ST3GAL3: variants seen among roughly 807,000 people sequenced by gnomAD.
The protein encoded by ST3GAL3 is CMP-N-acetylneuraminate-beta-1,4-galactoside alpha-2,3-sialyltransferase.
Under a neutral mutation model 50.1 loss-of-function variants are expected in ST3GAL3, and 21 were observed. That is an observed-to-expected ratio of 0.42 (90% CI 0.30 to 0.60). The LOEUF (loss-of-function observed/expected upper bound fraction) is 0.60, where lower values mean the gene tolerates loss of function less well. ST3GAL3 is among the 20% of genes least tolerant of loss of function. The pLI, the probability that ST3GAL3 is intolerant of heterozygous loss-of-function variation, is 0.19. For missense variants in ST3GAL3, 353 were observed against 489.4 expected (o/e 0.72, Z 2.63); for synonymous variants, 183 against 190.0 (o/e 0.96, Z 0.30).
intron 5 of ST3GAL3, among the ~76,000 whole-genome samples, chr1:43,892,885 G>C (rs1333663441): frequency 6.6e-6 from 1 of 152,156 alleles, no homozygotes; most frequent in Non-Finnish European, 1.5e-5. Flanking sequence ...CCATGACCAG[G>C]ATCCTCAGAG....
intron 3 of ST3GAL3, among the ~76,000 whole-genome samples, chr1:43,797,558 T>C (rs889960542): frequency 3.9e-5 from 6 of 152,198 alleles, no homozygotes; most frequent in Non-Finnish European, 8.8e-5. Context: ...GTCTTATTAA[T>C]TGATGAAGAA....
intron 6 of ST3GAL3, among the ~76,000 whole-genome samples, chr1:43,896,411 C>G (rs1281221936): frequency 6.6e-6 from 1 of 152,162 alleles, no homozygotes; most frequent in South Asian, 2.1e-4. Context: ...CATTGATGTA[C>G]CTTCTACCCA....
intron 9 of ST3GAL3, chr1:43,912,819 T>C (rs2081165166): frequency 6.6e-6 from 1 of 152,256 alleles, no homozygotes; most frequent in Non-Finnish European, 1.5e-5. Flanking sequence ...GTCTGGCAGC[T>C]TCACACAGGG....
chr1:43,909,138 TAAGTA>T (rs1477534029), intron 9 of ST3GAL3, among the ~76,000 whole-genome samples: 1 of 152,174 alleles, frequency 6.6e-6, no homozygotes, highest in Non-Finnish European at 1.5e-5. Flanking sequence ...TTGGTATACA[TAAGTA>T]AATAAGCAGA....
At chr1:43,720,296 T>C (rs1038873358) in intron 1 of ST3GAL3, among the ~76,000 whole-genome samples, 1 of 152,160 alleles carries the variant, frequency 6.6e-6, no homozygotes, top group East Asian at 1.9e-4. Flanking sequence ...TTCACTGCTG[T>C]TGGGAATGTA....
intron 1 of ST3GAL3, among the ~76,000 whole-genome samples, chr1:43,718,500 T>C (rs1668609659): frequency 6.6e-6 from 1 of 150,956 alleles, no homozygotes; most frequent in African/African-American, 2.4e-5. Context: ...TCATTAAATC[T>C]TAATATGCCA....
In ST3GAL3 at chr1:43,929,971, G is replaced by T. The variant is rs532914556; in HGVS notation, c.1039-161G>T. ...TGAGCTGTGGCACTCCTAGAGCAGGGTCATCATTACCGTGTAGACACAACT... is the reference window on the plus strand; with the variant it reads ...TGAGCTGTGGCACTCCTAGAGCAGGTTCATCATTACCGTGTAGACACAACT... On this transcript the variant is annotated intron_variant, in intron 11 of 11. Coordinates refer to ENST00000347631, the MANE Select transcript of ST3GAL3 (RefSeq NM_006279.5). 22 of 766,712 alleles carry T rather than the reference G, an allele frequency of 2.9e-5. No homozygotes were observed. In the African/African-American group the frequency reaches 3.2e-4, roughly 11 times the overall value. 47.5% of individuals were successfully genotyped at this position (766,712 alleles called of 1,614,324 possible).
At chr1:43,861,857 C>A (rs549057649) in intron 5 of ST3GAL3, among the ~76,000 whole-genome samples, 1 of 152,114 alleles carries the variant, frequency 6.6e-6, no homozygotes, top group African/African-American at 2.4e-5. Context: ...GGAGAAACCC[C>A]GTCTCTACTA....
intron 2 of ST3GAL3, among the ~76,000 whole-genome samples, chr1:43,748,442 T>C (rs10890278): frequency 0.28 from 39,386 of 140,620 alleles, 3,655 homozygotes; most frequent in East Asian, 0.45. Context: ...TTTTTTTTTT[T>C]TTTTGAGCCA....
chr1:43,909,499 CT>C (rs1332297537), intron 9 of ST3GAL3, among the ~76,000 whole-genome samples: 3 of 152,226 alleles, frequency 2.0e-5, no homozygotes, highest in Non-Finnish European at 4.4e-5. Context: ...TTGTTCATCG[CT>C]TTTTTCCAAA....
intron 5 of ST3GAL3, 129 bp downstream of exon 5, chr1:43,838,440 T>C: frequency 1.1e-6 from 1 of 882,110 alleles, no homozygotes; most frequent in Non-Finnish European, 1.9e-6. Context: ...GAAAGGACTC[T>C]GCCTTTAAGT....
intron 5 of ST3GAL3, among the ~76,000 whole-genome samples, chr1:43,885,854 G>A (rs2075899695): frequency 6.6e-6 from 1 of 152,226 alleles, no homozygotes; most frequent in Non-Finnish European, 1.5e-5. Flanking sequence ...GGAGTCAGGG[G>A]AGACTGTCCT....
At chr1:43,924,209 A>AT (rs2083516515) in intron 11 of ST3GAL3, among the ~76,000 whole-genome samples, 1 of 152,116 alleles carries the variant, frequency 6.6e-6, no homozygotes, top group Admixed American at 6.5e-5. Flanking sequence ...TGAGAAGCTC[A>AT]TTGTGGGTCT....
chr1:43,785,391 C>A (rs796532968), intron 2 of ST3GAL3, among the ~76,000 whole-genome samples: 5 of 152,272 alleles, frequency 3.3e-5, no homozygotes, highest in African/African-American at 1.2e-4. Context: ...AAGGTAGAGG[C>A]CTGGATGGTG....
rs867501738 is a variant in ST3GAL3, at chr1:43,907,306, G to A, written c.744+7579G>A. Among the ~76,000 whole-genome samples the A allele has an allele frequency of 3.9e-5, 6 of 152,280 alleles. 1 individual carries two copies. The South Asian group carries it at 1.0e-3, about 26-fold the overall frequency. On this transcript the variant is annotated intron_variant, in intron 9 of 11. Coordinates refer to ENST00000347631, the MANE Select transcript of ST3GAL3 (RefSeq NM_006279.5). Reference sequence around the variant, plus strand: ...TCTTCAAGCACAGTCTCACTCACTCGACAGCTCCCTTTCCCAGTGCTTTCC... The same window carrying A: ...TCTTCAAGCACAGTCTCACTCACTCAACAGCTCCCTTTCCCAGTGCTTTCC...
chr1:43,898,358 G>A, intron 7 of ST3GAL3, 60 bp downstream of exon 7: 11 of 1,583,474 alleles, frequency 6.9e-6, no homozygotes, highest in Non-Finnish European at 9.5e-6. Flanking sequence ...CAGAGGTGTT[G>A]AGGCCCAGCT....
intron 2 of ST3GAL3, among the ~76,000 whole-genome samples, chr1:43,741,062 C>T (rs552735535): frequency 6.6e-6 from 1 of 152,256 alleles, no homozygotes; most frequent in African/African-American, 2.4e-5. Context: ...TGAGGTGGCT[C>T]ATGCCTATAA....
rs1311992674 is a variant in ST3GAL3 at position 43,915,893 on chromosome 1, C to CG, written c.745-4508dup. On this transcript the variant is annotated intron_variant, in intron 9 of 11. Transcript: ENST00000347631. ...CAGCACTTTGGGAGGCCGAGGTGGG[C>CG]GGGTCTTCTGAGGTCAGGAGTTGGA... 5.9e-5 allele frequency among the ~76,000 whole-genome samples: 9 copies of CG among 152,036 alleles called. No individual in the cohort carries two copies. In the South Asian group the frequency reaches 1.7e-3, roughly 28 times the overall value.
chr1:43,827,154 C>G (rs746388093), intron 4 of ST3GAL3, among the ~76,000 whole-genome samples: 35 of 152,102 alleles, frequency 2.3e-4, no homozygotes, highest in Non-Finnish European at 4.7e-4. Context: ...ACTGTGTTCA[C>G]AGATGACATG....
Sources: allele counts gnomAD v4.1 joint callset (sites outside exome capture counted in the v4.1 genomes callset), GRCh38; gene constraint gnomAD v4.1.1; transcripts MANE v1.5; gene names NCBI Gene and HGNC (gene_info 2026-07-23, HGNC 2026-07-21).